The following MMP2 variants were observed in gnomAD, a reference collection of about 807,000 sequenced individuals.
MMP2 encodes the protein 72 kDa type IV collagenase.
In MMP2, 39 loss-of-function variants were observed where a neutral mutation model predicts 74.8. That is an observed-to-expected ratio of 0.52 (90% CI 0.40 to 0.68). The LOEUF is 0.68. Ranked by LOEUF, MMP2 falls within the 30% of genes least tolerant of loss-of-function variation. The pLI is 0.00. For missense variants in MMP2, 803 were observed against 878.3 expected (o/e 0.91, Z 1.08); for synonymous variants, 367 against 339.8 (o/e 1.08, Z -0.88).
At chr16:55,489,957 C>A in intron 7 of MMP2, 133 bp downstream of exon 7, 1 of 1,011,154 alleles carries the variant, frequency 9.9e-7, no homozygotes, top group Non-Finnish European at 1.5e-6. Context: ...TACCCAGACC[C>A]GCCCACCTGG....
rs568019932 is a variant in MMP2 at position 55,493,107 on chromosome 16, G to A, written c.1337-51G>A. 3 of 1,609,934 alleles carry A rather than the reference G, an allele frequency of 1.9e-6. No homozygotes were observed. The African/African-American group carries it at 4.0e-5, about 22-fold the overall frequency. On this transcript the variant is annotated intron_variant, in intron 8 of 12. Coordinates refer to ENST00000219070, the MANE Select transcript of MMP2 (RefSeq NM_004530.6). ...GGCACCCCTGGGGGCTCACCCTAGT[G>A]GGGAGAACCTCTGGAGCTGCAGAGA...
intron 7 of MMP2, among the ~76,000 whole-genome samples, chr16:55,490,096 C>G (rs1247661900): frequency 6.6e-6 from 1 of 152,152 alleles, no homozygotes; most frequent in Admixed American, 6.5e-5. Flanking sequence ...TGGGTAAGAA[C>G]TGGCCTTCCT....
intron 9 of MMP2, among the ~76,000 whole-genome samples, chr16:55,493,626 A>G (rs550649485): frequency 6.6e-6 from 1 of 152,332 alleles, no homozygotes; most frequent in East Asian, 1.9e-4. Context: ...GAACTACACA[A>G]GCTCATTTAA....
intron 8 of MMP2, among the ~76,000 whole-genome samples, chr16:55,492,537 G>A (rs116641125): frequency 0.016 from 2,455 of 151,688 alleles, 65 homozygotes; most frequent in African/African-American, 0.053. Flanking sequence ...AATATTTAAT[G>A]GTCCAGGTGA....
chr16:55,499,636 T>C (rs139830584), intron 11 of MMP2, among the ~76,000 whole-genome samples: 73 of 152,058 alleles, frequency 4.8e-4, no homozygotes, highest in African/African-American at 1.6e-3. Context: ...ACCTCAGGAG[T>C]TTGACTGTAA....
intron 1 of MMP2, among the ~76,000 whole-genome samples, chr16:55,482,642 C>G (rs1368626424): frequency 1.3e-5 from 2 of 152,232 alleles, no homozygotes; most frequent in Non-Finnish European, 2.9e-5. Flanking sequence ...TTAACATATT[C>G]TGACTTTAGT....
At chr16:55,504,716 G>A (rs548209272) in intron 12 of MMP2, among the ~76,000 whole-genome samples, 51 of 149,622 alleles carry the variant, frequency 3.4e-4, no homozygotes, top group Admixed American at 9.3e-4. Context: ...GCAGTGGCGC[G>A]ATCTTGGCTC....
Position 55,488,720 on chromosome 16 carries a change from G to C in MMP2, c.1006+4G>C, listed in dbSNP as rs770050939. 5.7e-6 allele frequency: 9 copies of C among 1,591,448 alleles called. No homozygotes were observed. The highest frequency in any genetic ancestry group is 6.8e-6 in the Non-Finnish European group (8 of 1,170,642). On this transcript the variant is annotated splice_donor_region_variant and intron_variant, in intron 6 of 12. Transcript: ENST00000219070. ...TATGGCTTCTGCCCTGAGACCGGTG[G>C]GTGCCACTCCCTCTCCCTCCCTCAG...
Position 55,485,579 on chromosome 16 carries a change from C to A in MMP2, c.659-25C>A, listed in dbSNP as rs770448914. ...CAAAGAAGGCCTGGAGAAGTCCAAC[C>A]TCCCCCTTCCATGTCACTCTTTAGT... On this transcript the variant is annotated intron_variant, in intron 4 of 12. Coordinates refer to ENST00000219070, the MANE Select transcript of MMP2 (RefSeq NM_004530.6). 3 of 1,614,032 alleles carry A rather than the reference C, an allele frequency of 1.9e-6. No individual in the cohort carries two copies. In the Admixed American group the frequency reaches 5.0e-5, roughly 27 times the overall value.
chr16:55,482,220 C>G (rs1261814747), intron 1 of MMP2, among the ~76,000 whole-genome samples: 2 of 152,164 alleles, frequency 1.3e-5, no homozygotes, highest in African/African-American at 4.8e-5. Flanking sequence ...TCTGCAGGGA[C>G]CTGCTCAGTT....
chr16:55,487,468 G>A (rs1182145990), intron 5 of MMP2: 2 of 152,298 alleles, frequency 1.3e-5, no homozygotes, highest in African/African-American at 4.8e-5. Context: ...TTTTCTCTAG[G>A]TGCCATTGTT....
intron 5 of MMP2, among the ~76,000 whole-genome samples, chr16:55,486,350 T>TGTGTGC (rs1555491721): frequency 1.6e-4 from 9 of 55,090 alleles, no homozygotes; most frequent in Admixed American, 4.3e-4. Flanking sequence ...TGTGTGCCTG[T>TGTGTGC]GTGTGTGTGT....
intron 10 of MMP2, 93 bp from the exon 11 acceptor site, chr16:55,498,196 G>T (rs753818370): frequency 1.6e-5 from 25 of 1,525,554 alleles, no homozygotes; most frequent in Non-Finnish European, 2.2e-5. Flanking sequence ...GGGAATGGCT[G>T]CAGTGGGGCC....
In MMP2 at chr16:55,502,768, T is replaced by C; in HGVS notation, c.1770-11T>C. 1 of 1,611,398 alleles carries C rather than the reference T, an allele frequency of 6.2e-7. No homozygotes were observed. The highest frequency in any genetic ancestry group is 8.5e-7 in the Non-Finnish European group (1 of 1,177,572). On this transcript the variant is annotated splice_polypyrimidine_tract_variant and intron_variant, in intron 11 of 12. Coordinates refer to ENST00000219070, the MANE Select transcript of MMP2 (RefSeq NM_004530.6). ...AGGCCCTGCTGGTTCACTGTGTCTGTTTCTTTACAGATACAATGAGGTGAA... is the reference window on the plus strand; with the variant it reads ...AGGCCCTGCTGGTTCACTGTGTCTGCTTCTTTACAGATACAATGAGGTGAA...
intron 7 of MMP2, among the ~76,000 whole-genome samples, chr16:55,490,589 A>T (rs1251284364): frequency 6.6e-6 from 1 of 152,180 alleles, no homozygotes; most frequent in Non-Finnish European, 1.5e-5. Context: ...GGTTGCTTAA[A>T]GCTCCCTGAT....
intron 11 of MMP2, among the ~76,000 whole-genome samples, chr16:55,501,814 G>A (rs1375794867): frequency 6.6e-6 from 1 of 152,084 alleles, no homozygotes; most frequent in Non-Finnish European, 1.5e-5. Context: ...TACCAGGATG[G>A]GATGCGAACA....
rs1962702222 is a variant in MMP2 at position 55,502,846 on chromosome 16, A to G, written c.1837A>G (p.Ile613Val). The stretch of plus-strand genomic sequence containing the variant: ...GCTCATCGCAGATGCCTGGAATGCC[A>G]TCCCCGATAACCTGGATGCCGTCGT... ...PKLIADAWNA[I>V]PDNLDAVVDL... is the part of the protein sequence containing the mutation. Residue 613 changes from isoleucine (I) to valine (V), a missense_variant, in exon 12 of 13, where the codon ATC (isoleucine) becomes GTC (valine). Physicochemically the swap from Ile to Val is conservative, Grantham distance 29 (BLOSUM62 3). Transcript: ENST00000219070. 1 of 1,614,118 alleles carries G rather than the reference A, an allele frequency of 6.2e-7. No homozygotes were observed. Among genetic ancestry groups the G allele is most frequent in the Non-Finnish European group, 8.5e-7 (1 of 1,180,034 alleles).
chr16:55,496,799 A>G, intron 9 of MMP2, 127 bp from the exon 10 acceptor site: 1 of 1,316,264 alleles, frequency 7.6e-7, no homozygotes, highest in Non-Finnish European at 1.1e-6. Context: ...CCTTCCTTTG[A>G]TCCTGCCTCC....
chr16:55,504,056 G>T (rs1249787093), intron 12 of MMP2, among the ~76,000 whole-genome samples: 1 of 152,156 alleles, frequency 6.6e-6, no homozygotes, highest in Non-Finnish European at 1.5e-5. Context: ...TACTGGGGAG[G>T]GTGAGCAGAG....
Sources: gnomAD v4.1 joint callset for allele counts (sites outside exome capture counted in the v4.1 genomes callset) on GRCh38, gnomAD v4.1.1 for gene constraint, MANE v1.5 for transcripts, NCBI Gene and HGNC (gene_info 2026-07-23, HGNC 2026-07-21) for gene names.